Variants in FRMPD4 observed in about 807,000 individuals in gnomAD.
FRMPD4 encodes the protein FERM and PDZ domain-containing protein 4.
Under a neutral mutation model 94.1 loss-of-function variants are expected in FRMPD4, and 22 were observed. That is an observed-to-expected ratio of 0.23 (90% CI 0.17 to 0.33). The LOEUF (loss-of-function observed/expected upper bound fraction) is 0.33, where lower values mean the gene tolerates loss of function less well. FRMPD4 is among the 10% of genes least tolerant of loss of function. The pLI is 1.00. For synonymous variants in FRMPD4, 631 were observed against 548.6 expected, an observed-to-expected ratio of 1.15 and a Z score of -2.10; for missense variants, 1,111 against 1,339.9, an observed-to-expected ratio of 0.83 and a Z score of 2.67.
At chrX:11,931,991 A>T (rs1171264106) in intron 3 of FRMPD4, among the ~76,000 whole-genome samples, 1 of 112,002 alleles carries the variant, frequency 8.9e-6, no homozygotes, top group African/African-American at 3.2e-5. Flanking sequence ...TAAGGGTTAG[A>T]TTGGAAAAAG....
chrX:12,238,586 GTATAC>G (rs1208351015), intron 1 of FRMPD4, among the ~76,000 whole-genome samples: 1 of 112,249 alleles, frequency 8.9e-6, no homozygotes, highest in Non-Finnish European at 1.9e-5. Flanking sequence ...TAATTAAAAT[GTATAC>G]TCATTATTTA....
At chrX:12,614,663 G>A (rs1047318215) in intron 3 of FRMPD4, 116 bp from the exon 4 acceptor site, 5 of 471,242 alleles carry the variant, frequency 1.1e-5, no homozygotes, top group African/African-American at 9.6e-5. Context: ...AAGTGTGGTT[G>A]GGTTTCGGTT....
At chrX:12,550,356 G>A (rs2058520752) in intron 2 of FRMPD4, among the ~76,000 whole-genome samples, 2 of 48,144 alleles carry the variant, frequency 4.2e-5, no homozygotes, top group African/African-American at 5.4e-5. Context: ...AAGCCAAAAT[G>A]TAAAAAAAAA....
chrX:12,054,849 A>AGAAGC (rs1210916778), intron 3 of FRMPD4: 3 of 112,023 alleles, frequency 2.7e-5, no homozygotes, highest in Non-Finnish European at 5.6e-5. Context: ...TTCAGTGGTG[A>AGAAGC]GAAGCGGGGA....
Position 12,718,168 on chromosome X carries a change from C to G in FRMPD4, c.3342C>G (p.Thr1114=), listed in dbSNP as rs754653729. 2 of 1,211,629 alleles carry G rather than the reference C, an allele frequency of 1.7e-6. No homozygotes were observed. The highest frequency in any genetic ancestry group is 2.2e-6 in the Non-Finnish European group (2 of 895,244). ...KSGLEAATGK[T]FPRASGLGAR... ...GATTAGAAGCAGCAACAGGGAAAAC[C>G]TTTCCAAGAGCTTCTGGTCTTGGGG... The change falls in exon 16 of 17, where the codon ACC becomes ACG. Residue 1114 remains threonine (T), a synonymous_variant. Transcript: ENST00000675598.
chrX:12,024,271 A>G (rs754176900), intron 3 of FRMPD4, among the ~76,000 whole-genome samples: 5 of 112,126 alleles, frequency 4.5e-5, no homozygotes, highest in Admixed American at 1.9e-4. Flanking sequence ...TGAATGTGTC[A>G]TGCATATATA....
chrX:12,577,360 A>C (rs192335170), intron 2 of FRMPD4, among the ~76,000 whole-genome samples: 58 of 110,838 alleles, frequency 5.2e-4, no homozygotes, highest in Non-Finnish European at 3.0e-4. Context: ...GGGAGATGCT[A>C]TTTCTAGAGT....
At chrX:11,922,439 C>A (rs761031697) in intron 3 of FRMPD4, among the ~76,000 whole-genome samples, 119 of 111,818 alleles carry the variant, frequency 1.1e-3, no homozygotes, top group Non-Finnish European at 1.5e-3. Context: ...CATCCAGTCA[C>A]CTCCCACCAG....
chrX:12,650,499 G>A (rs1175332372), intron 4 of FRMPD4, among the ~76,000 whole-genome samples: 1 of 112,389 alleles, frequency 8.9e-6, no homozygotes, highest in African/African-American at 3.2e-5. Context: ...AAGTTGAAGT[G>A]TAGGTGAAGA....
At chrX:11,918,203 A>G (rs921857588) in intron 3 of FRMPD4, among the ~76,000 whole-genome samples, 11 of 113,246 alleles carry the variant, frequency 9.7e-5, no homozygotes, top group Non-Finnish European at 1.9e-4. Context: ...AATGTTTTAT[A>G]AAATGTTTAA....
At chrX:11,972,220 A>G (rs1401338646) in intron 3 of FRMPD4, among the ~76,000 whole-genome samples, 1 of 111,982 alleles carries the variant, frequency 8.9e-6, no homozygotes, top group African/African-American at 3.2e-5. Flanking sequence ...TGATTCACGT[A>G]TGAGTTTCAA....
chrX:11,935,072 A>AT (rs753999126), intron 3 of FRMPD4, among the ~76,000 whole-genome samples: 2,284 of 40,205 alleles, frequency 0.057, 234 homozygotes, highest in Admixed American at 0.087. Flanking sequence ...ACTATTGGTG[A>AT]TTTTTTTTTT....
At chrX:12,248,216 A>G (rs1202655671) in intron 1 of FRMPD4, among the ~76,000 whole-genome samples, 1 of 111,890 alleles carries the variant, frequency 8.9e-6, no homozygotes, top group Non-Finnish European at 1.9e-5. Flanking sequence ...ATCCCTTTCC[A>G]CTCTCAAGTC....
intron 1 of FRMPD4, among the ~76,000 whole-genome samples, chrX:11,834,084 G>A (rs1320569535): frequency 1.8e-5 from 2 of 111,303 alleles, no homozygotes; most frequent in African/African-American, 6.5e-5. Flanking sequence ...TATCTGACTA[G>A]TACGCCTCTC....
chrX:11,961,957 A>G (rs1163492445), intron 3 of FRMPD4, among the ~76,000 whole-genome samples: 1 of 112,588 alleles, frequency 8.9e-6, no homozygotes, highest in African/African-American at 3.2e-5. Context: ...GTTATTAACC[A>G]CTGAAAAGAT....
intron 3 of FRMPD4, among the ~76,000 whole-genome samples, chrX:11,941,950 G>A (rs1361029242): frequency 8.9e-6 from 1 of 111,858 alleles, no homozygotes; most frequent in Non-Finnish European, 1.9e-5. Context: ...TGGAAAGAAC[G>A]TGCAGTGGAG....
chrX:12,332,483 G>A (rs192903418), intron 1 of FRMPD4, among the ~76,000 whole-genome samples: 50 of 109,971 alleles, frequency 4.5e-4, no homozygotes, highest in Non-Finnish European at 7.2e-4. Flanking sequence ...GATCAAGTGT[G>A]CTCATTGGGT....
At chrX:12,204,107 C>T (rs774390578) in intron 1 of FRMPD4, among the ~76,000 whole-genome samples, 8 of 112,152 alleles carry the variant, frequency 7.1e-5, no homozygotes, top group African/African-American at 9.7e-5. Context: ...TGGATTCCCA[C>T]GTTGTGCTCT....
chrX:12,317,825 T>C (rs2055149995), intron 1 of FRMPD4, among the ~76,000 whole-genome samples: 1 of 111,635 alleles, frequency 9.0e-6, no homozygotes, highest in Non-Finnish European at 1.9e-5. Flanking sequence ...CTGGAGAGAA[T>C]GTGGAGAAAG....
Sources: gnomAD v4.1 joint callset for allele counts (sites outside exome capture counted in the v4.1 genomes callset) on GRCh38, gnomAD v4.1.1 for gene constraint, MANE v1.5 for transcripts, NCBI Gene and HGNC (gene_info 2026-07-23, HGNC 2026-07-21) for gene names.